HCN1: variants seen among roughly 807,000 people sequenced by gnomAD.
HCN1 encodes the protein potassium/sodium hyperpolarization-activated cyclic nucleotide-gated channel 1.
Under a neutral mutation model 78.9 loss-of-function variants are expected in HCN1, and 13 were observed. The ratio of observed to expected loss-of-function variants is 0.16; its 90% CI spans 0.11 to 0.26. The LOEUF is 0.26. HCN1 is among the 10% of genes least tolerant of loss of function. The pLI is 1.00. For missense variants in HCN1, 810 were observed against 1,154.3 expected, an observed-to-expected ratio of 0.70 and a Z score of 4.32; for synonymous variants, 552 against 455.5, an observed-to-expected ratio of 1.21 and a Z score of -2.70.
chr5:45,627,383 A>G (rs1745184350), intron 2 of HCN1, among the ~76,000 whole-genome samples: 1 of 152,178 alleles, frequency 6.6e-6, no homozygotes, highest in African/African-American at 2.4e-5. Context: ...CATGTGAGAA[A>G]GATGTATAGT....
chr5:45,447,953 T>C (rs1740833970), intron 3 of HCN1, among the ~76,000 whole-genome samples: 1 of 151,758 alleles, frequency 6.6e-6, no homozygotes, highest in South Asian at 2.1e-4. Flanking sequence ...ACTAGAGCTT[T>C]CTCTGACCAC....
chr5:45,534,215 G>C (rs921702946), intron 2 of HCN1, among the ~76,000 whole-genome samples: 1 of 151,230 alleles, frequency 6.6e-6, no homozygotes, highest in African/African-American at 2.4e-5. Context: ...AGCCAACACA[G>C]TGAAACACCC....
chr5:45,664,700 G>T (rs1245809713), intron 1 of HCN1, among the ~76,000 whole-genome samples: 1 of 151,950 alleles, frequency 6.6e-6, no homozygotes, highest in Non-Finnish European at 1.5e-5. Flanking sequence ...ATGAAAAAAT[G>T]CTCACCATCA....
In HCN1 at chr5:45,680,235, T is replaced by C. The variant is rs144787282; in HGVS notation, c.425+15434A>G. 2.4e-3 allele frequency among the ~76,000 whole-genome samples: 366 copies of C among 152,298 alleles called. 3 individuals are homozygous for C. Among genetic ancestry groups the C allele is most frequent in the Middle Eastern group, 6.8e-3 (2 of 294 alleles). Reference sequence around the variant, plus strand: ...AAGACGTGCAATTCTAAAATAATTCTACATTTGACTGACTTTCAAAACAAG... The same window carrying C: ...AAGACGTGCAATTCTAAAATAATTCCACATTTGACTGACTTTCAAAACAAG... On this transcript the variant is annotated intron_variant, in intron 1 of 7. Coordinates refer to ENST00000303230, the MANE Select transcript of HCN1 (RefSeq NM_021072.4).
chr5:45,295,189 G>A (rs1745463764), intron 6 of HCN1, among the ~76,000 whole-genome samples: 1 of 151,876 alleles, frequency 6.6e-6, no homozygotes, highest in Non-Finnish European at 1.5e-5. Flanking sequence ...CACTCTCAAT[G>A]GGAAGCCTAG....
At chr5:45,379,888 A>T (rs1379967933) in intron 4 of HCN1, among the ~76,000 whole-genome samples, 2 of 152,040 alleles carry the variant, frequency 1.3e-5, no homozygotes, top group Non-Finnish European at 2.9e-5. Flanking sequence ...ATAATGGAAA[A>T]GTTCGAGAAA....
chr5:45,274,195 A>G (rs1384859406), intron 6 of HCN1, among the ~76,000 whole-genome samples: 2 of 152,182 alleles, frequency 1.3e-5, no homozygotes, highest in East Asian at 1.9e-4. Flanking sequence ...TACTAAGGGT[A>G]TAACTAGTCA....
chr5:45,668,677 T>C (rs1323314614), intron 1 of HCN1, among the ~76,000 whole-genome samples: 5 of 151,962 alleles, frequency 3.3e-5, no homozygotes, highest in African/African-American at 1.2e-4. Context: ...ATTTAGATGA[T>C]AGCCATTTCT....
At chr5:45,406,920 T>G (rs531257235) in intron 3 of HCN1, among the ~76,000 whole-genome samples, 4 of 152,210 alleles carry the variant, frequency 2.6e-5, no homozygotes, top group Non-Finnish European at 4.4e-5. Flanking sequence ...AGTCAAAAAC[T>G]TTTAATGAAT....
At chr5:45,516,299 G>A (rs965087318) in intron 2 of HCN1, among the ~76,000 whole-genome samples, 8 of 151,800 alleles carry the variant, frequency 5.3e-5, no homozygotes, top group Admixed American at 5.3e-4. Flanking sequence ...TAGAGTACTT[G>A]TATTCTGGAG....
chr5:45,475,129 G>A (rs139112369), intron 2 of HCN1, among the ~76,000 whole-genome samples: 6 of 152,000 alleles, frequency 3.9e-5, no homozygotes, highest in South Asian at 2.1e-4. Flanking sequence ...ACTGAATTAT[G>A]AGTATATAAA....
intron 5 of HCN1, among the ~76,000 whole-genome samples, chr5:45,344,688 C>T (rs989933162): frequency 2.0e-5 from 3 of 152,228 alleles, no homozygotes; most frequent in Non-Finnish European, 4.4e-5. Flanking sequence ...CCATGTCTCA[C>T]ATCCAGGGCA....
intron 2 of HCN1, among the ~76,000 whole-genome samples, chr5:45,541,378 T>C (rs1470575918): frequency 6.6e-6 from 1 of 152,200 alleles, no homozygotes; most frequent in African/African-American, 2.4e-5. Flanking sequence ...TGCCTTCTTG[T>C]ACACTCCTAG....
intron 2 of HCN1, among the ~76,000 whole-genome samples, chr5:45,605,295 A>G (rs1207911943): frequency 6.6e-6 from 1 of 152,012 alleles, no homozygotes; most frequent in Non-Finnish European, 1.5e-5. Context: ...TCATGTCTTT[A>G]ACTCTAGAAT....
chr5:45,440,529 G>T (rs1240474772), intron 3 of HCN1, among the ~76,000 whole-genome samples: 1 of 152,082 alleles, frequency 6.6e-6, no homozygotes, highest in African/African-American at 2.4e-5. Flanking sequence ...GATATACTTA[G>T]GTAGGCCACT....
Position 45,695,974 on chromosome 5 carries a change from GC to G in HCN1, c.119del (p.Gly40AlafsTer108). The G allele has an allele frequency of 7.6e-7, 1 of 1,318,836 alleles. No individual in the cohort carries two copies. Among genetic ancestry groups the G allele is most frequent in the South Asian group, 2.0e-5 (1 of 49,674 alleles). The allele number at this position is 1,318,836 out of a possible 1,614,324, so 81.7% of individuals were successfully genotyped here. A position where few individuals can be genotyped will look rare whatever the true frequency, so the allele number is the denominator to read the frequency against. On this transcript the variant is annotated frameshift_variant, in exon 1 of 8. Coordinates refer to ENST00000303230, the MANE Select transcript of HCN1 (RefSeq NM_021072.4). LOFTEE classifies it high-confidence loss of function. ...AGPAAAEKRL[G>X]TPPGGGGAGA... is the part of the protein sequence containing the mutation. ...CGGCCCCGCCGCCCCCCGGCGGGGTGCCCAGGCGCTTCTCGGCCGCGGCCGG... is the reference window on the plus strand; with the variant it reads ...CGGCCCCGCCGCCCCCCGGCGGGGTGCCAGGCGCTTCTCGGCCGCGGCCGG...
At chr5:45,623,127 A>G (rs1745101588) in intron 2 of HCN1, among the ~76,000 whole-genome samples, 1 of 152,156 alleles carries the variant, frequency 6.6e-6, no homozygotes, top group African/African-American at 2.4e-5. Flanking sequence ...CTTTTCAAAT[A>G]CTGTCTCCTC....
At chr5:45,582,085 G>C (rs1343863410) in intron 2 of HCN1, among the ~76,000 whole-genome samples, 1 of 152,128 alleles carries the variant, frequency 6.6e-6, no homozygotes, top group African/African-American at 2.4e-5. Flanking sequence ...GCTGGGGATG[G>C]CATTGAATCT....
intron 5 of HCN1, among the ~76,000 whole-genome samples, chr5:45,308,133 G>A (rs1745773823): frequency 1.3e-5 from 2 of 151,950 alleles, no homozygotes; most frequent in South Asian, 2.1e-4. Flanking sequence ...AAAGGTGTCT[G>A]GCACCTACTT....
Sources: allele counts gnomAD v4.1 joint callset (sites outside exome capture counted in the v4.1 genomes callset), GRCh38; gene constraint gnomAD v4.1.1; transcripts MANE v1.5; gene names NCBI Gene and HGNC (gene_info 2026-07-23, HGNC 2026-07-21).